The following ZNF704 variants were observed in gnomAD, a reference collection of about 807,000 sequenced individuals.
ZNF704 encodes glucocorticoid induced gene 1.
Under a neutral mutation model 44.7 loss-of-function variants are expected in ZNF704, and 10 were observed. The ratio of observed to expected loss-of-function variants is 0.22; its 90% CI spans 0.14 to 0.38. The LOEUF (loss-of-function observed/expected upper bound fraction) is 0.38. Ranked by LOEUF, ZNF704 falls within the 10% of genes least tolerant of loss-of-function variation. The pLI is 1.00. For synonymous variants in ZNF704, 211 were observed against 207.6 expected, an observed-to-expected ratio of 1.02 and a Z score of -0.14; for missense variants, 390 against 545.5, an observed-to-expected ratio of 0.71 and a Z score of 2.84.
intron 1 of ZNF704, among the ~76,000 whole-genome samples, chr8:80,833,954 A>C (rs190517511): frequency 1.5e-4 from 23 of 152,292 alleles, no homozygotes; most frequent in Non-Finnish European, 1.0e-4. Flanking sequence ...GATCTGTTTA[A>C]GCAGTTCTTA....
At position 80,654,146 on chromosome 8, in the gene ZNF704, G is replaced by C. The variant is rs556595409; in HGVS notation, c.1032+5439C>G. 1.4e-3 allele frequency among the ~76,000 whole-genome samples: 209 copies of C among 151,752 alleles called. 1 individual carries two copies. The highest frequency in any genetic ancestry group is 4.9e-3 in the African/African-American group (202 of 41,508). ...AAAACTGGCTAGCCATATGTAGAAA[G>C]CTGAAACTGGATCCCTTCCTTACAC... On this transcript the variant is annotated intron_variant, in intron 7 of 8. Coordinates refer to ENST00000327835, the MANE Select transcript of ZNF704 (RefSeq NM_001033723.3).
chr8:80,796,547 A>G (rs1807803854), intron 2 of ZNF704, among the ~76,000 whole-genome samples: 1 of 152,228 alleles, frequency 6.6e-6, no homozygotes, highest in African/African-American at 2.4e-5. Flanking sequence ...CTCTTTTCTC[A>G]CAAACAAATG....
intron 2 of ZNF704, among the ~76,000 whole-genome samples, chr8:80,783,302 T>C (rs578043055): frequency 1.3e-5 from 2 of 152,354 alleles, no homozygotes; most frequent in East Asian, 3.9e-4. Context: ...TTAAATTATG[T>C]GACTTTAGTC....
chr8:80,866,368 A>G (rs2130059435), intron 1 of ZNF704, among the ~76,000 whole-genome samples: 1 of 152,352 alleles, frequency 6.6e-6, no homozygotes, highest in Non-Finnish European at 1.5e-5. Context: ...CTGTGTGTAC[A>G]GCAGGAACCT....
intron 2 of ZNF704, among the ~76,000 whole-genome samples, chr8:80,813,478 A>G (rs1350332253): frequency 2.0e-5 from 3 of 152,204 alleles, no homozygotes; most frequent in Non-Finnish European, 2.9e-5. Flanking sequence ...ACATCAACCA[A>G]AAGAAGAAGA....
chr8:80,756,591 T>C (rs1807040155), intron 2 of ZNF704, among the ~76,000 whole-genome samples: 1 of 152,244 alleles, frequency 6.6e-6, no homozygotes, highest in Non-Finnish European at 1.5e-5. Flanking sequence ...TCACAATACC[T>C]ATTTTTCAGA....
chr8:80,739,674 C>T (rs1251923807), intron 2 of ZNF704, among the ~76,000 whole-genome samples: 1 of 152,050 alleles, frequency 6.6e-6, no homozygotes, highest in Non-Finnish European at 1.5e-5. Flanking sequence ...CTTATAGACT[C>T]CAGGGAAAAA....
intron 1 of ZNF704, among the ~76,000 whole-genome samples, chr8:80,837,441 G>C (rs1157405069): frequency 6.6e-6 from 1 of 152,136 alleles, no homozygotes; most frequent in Non-Finnish European, 1.5e-5. Context: ...GACTTGTAGA[G>C]AGATTAAAAG....
intron 2 of ZNF704, chr8:80,777,100 G>A (rs1807426937): frequency 6.6e-6 from 1 of 152,032 alleles, no homozygotes; most frequent in African/African-American, 2.4e-5. Flanking sequence ...GTTTGGAGAG[G>A]AAGGGCAAAG....
intron 2 of ZNF704, among the ~76,000 whole-genome samples, chr8:80,797,013 A>AAGCC (rs1563556682): frequency 6.6e-6 from 1 of 151,454 alleles, no homozygotes; most frequent in African/African-American, 2.5e-5. Context: ...GCAAGCAAGC[A>AAGCC]AGCAAAGGAG....
chr8:80,766,004 A>T (rs1332560251), intron 2 of ZNF704, among the ~76,000 whole-genome samples: 1 of 151,574 alleles, frequency 6.6e-6, no homozygotes, highest in African/African-American at 2.4e-5. Flanking sequence ...TTTAGCAATT[A>T]AAAAAAAAGT....
At chr8:80,752,572 G>C (rs894090626) in intron 2 of ZNF704, among the ~76,000 whole-genome samples, 1 of 151,472 alleles carries the variant, frequency 6.6e-6, no homozygotes, top group African/African-American at 2.4e-5. Flanking sequence ...ACAGAGTTTC[G>C]TTCTTGTTGC....
intron 2 of ZNF704, among the ~76,000 whole-genome samples, chr8:80,702,147 G>C (rs1188632258): frequency 1.3e-5 from 2 of 152,138 alleles, no homozygotes; most frequent in Admixed American, 1.3e-4. Flanking sequence ...TAGACAAAAG[G>C]AGGAACAACC....
At chr8:80,868,165 G>A (rs914784782) in intron 1 of ZNF704, among the ~76,000 whole-genome samples, 9 of 152,198 alleles carry the variant, frequency 5.9e-5, no homozygotes, top group African/African-American at 2.2e-4. Context: ...TTTCTTTTCT[G>A]GTTTTTTGGT....
chr8:80,882,101 T>G, the ZNF704 span, among the ~76,000 whole-genome samples: 1 of 152,208 alleles, frequency 6.6e-6, no homozygotes, highest in East Asian at 1.9e-4. Context: ...ACAGAAAGTA[T>G]TATATACCTT....
chr8:80,800,222 T>A (rs1296638687), intron 2 of ZNF704, among the ~76,000 whole-genome samples: 2 of 152,076 alleles, frequency 1.3e-5, no homozygotes, highest in African/African-American at 4.8e-5. Context: ...ATGGGGAGAA[T>A]GGAACCAAGT....
chr8:80,701,750 C>A (rs1315668836), intron 2 of ZNF704, among the ~76,000 whole-genome samples: 1 of 152,102 alleles, frequency 6.6e-6, no homozygotes, highest in African/African-American at 2.4e-5. Context: ...AGAGATCAAG[C>A]CAGATGAGGA....
chr8:80,856,418 T>C (rs1808962708), intron 1 of ZNF704, among the ~76,000 whole-genome samples: 1 of 152,196 alleles, frequency 6.6e-6, no homozygotes, highest in South Asian at 2.1e-4. Context: ...ATTAATTTAA[T>C]TTTATTAAAT....
intron 1 of ZNF704, among the ~76,000 whole-genome samples, chr8:80,861,797 A>C (rs1809065599): frequency 1.3e-5 from 2 of 151,224 alleles, no homozygotes; most frequent in African/African-American, 4.9e-5. Context: ...ATTCCAGCCT[A>C]CCTGACGTCT....
Sources: allele counts gnomAD v4.1 joint callset (sites outside exome capture counted in the v4.1 genomes callset), GRCh38; gene constraint gnomAD v4.1.1; transcripts MANE v1.5; gene names NCBI Gene and HGNC (gene_info 2026-07-23, HGNC 2026-07-21).